Variants in SHLD1 observed in about 807,000 individuals in gnomAD.
The protein encoded by SHLD1 is shieldin complex subunit 1.
A neutral mutation model predicts 5.5 loss-of-function variants in SHLD1; 3 were observed. That is an observed-to-expected ratio of 0.54 (90% CI 0.25 to 1.40). SHLD1 has a LOEUF of 1.40. Among genes scored for constraint, SHLD1 ranks in the 40% most tolerant of loss-of-function variants. SHLD1 has a pLI of 0.15. For missense variants in SHLD1, 210 were observed against 244.4 expected (o/e 0.86, Z 0.94); for synonymous variants, 92 against 94.3 (o/e 0.98, Z 0.14).
intron 2 of SHLD1, among the ~76,000 whole-genome samples, chr20:5,829,605 G>A (rs2087705060): frequency 6.6e-6 from 1 of 152,198 alleles, no homozygotes; most frequent in Non-Finnish European, 1.5e-5. Flanking sequence ...GGTTTTTACG[G>A]ATGCATTTGT....
chr20:5,864,341 A>T lies in SHLD1; in HGVS notation c.*878A>T, dbSNP rs187788966. ...AGCACAATTATGCTACGCTAGGCTG[A>T]TGCCACGTGGCCTTGTCAAGTTGTG... On this transcript the variant is annotated 3_prime_UTR_variant, in exon 3 of 3. Coordinates refer to ENST00000303142, the MANE Select transcript of SHLD1 (RefSeq NM_152504.4). Among the ~76,000 whole-genome samples the T allele has an allele frequency of 1.3e-5, 2 of 152,362 alleles. No individual in the cohort carries two copies. The highest frequency in any genetic ancestry group is 6.5e-5 in the Admixed American group (1 of 15,310).
intron 2 of SHLD1, among the ~76,000 whole-genome samples, chr20:5,805,680 A>C (rs911977091): frequency 6.6e-6 from 1 of 152,072 alleles, no homozygotes; most frequent in Admixed American, 6.6e-5. Context: ...GGCTCACTGC[A>C]ACCTCTGCCT....
intron 2 of SHLD1, among the ~76,000 whole-genome samples, chr20:5,827,913 C>T (rs957855629): frequency 1.3e-5 from 2 of 152,188 alleles, no homozygotes; most frequent in African/African-American, 4.8e-5. Flanking sequence ...GTAGAAACTA[C>T]ACCATGGTCA....
chr20:5,860,284 T>C (rs2088144202), intron 2 of SHLD1, among the ~76,000 whole-genome samples: 1 of 152,238 alleles, frequency 6.6e-6, no homozygotes, highest in African/African-American at 2.4e-5. Flanking sequence ...GGTTGCTTGA[T>C]ATTAAAGTAG....
intron 2 of SHLD1, among the ~76,000 whole-genome samples, chr20:5,781,523 G>T (rs2086989041): frequency 6.6e-6 from 1 of 152,134 alleles, no homozygotes; most frequent in African/African-American, 2.4e-5. Flanking sequence ...TGTTGTCCAG[G>T]CTGGAGTGCA....
At chr20:5,827,251 G>A (rs964442753) in intron 2 of SHLD1, among the ~76,000 whole-genome samples, 6 of 152,114 alleles carry the variant, frequency 3.9e-5, no homozygotes, top group South Asian at 2.1e-4. Context: ...GAGGGATGCC[G>A]CCAGCCCAGG....
chr20:5,821,207 T>C (rs1490112138), intron 2 of SHLD1, among the ~76,000 whole-genome samples: 1 of 152,228 alleles, frequency 6.6e-6, no homozygotes, highest in African/African-American at 2.4e-5. Flanking sequence ...CTGTAAAATA[T>C]AGTTTGTTTA....
At chr20:5,784,427 TTTTA>T (rs1568500947) in intron 2 of SHLD1, among the ~76,000 whole-genome samples, 2 of 151,786 alleles carry the variant, frequency 1.3e-5, no homozygotes, top group African/African-American at 2.4e-5. Flanking sequence ...AATAGAATTA[TTTTA>T]TTTATTTATT....
At chr20:5,851,067 G>T (rs2088002603) in intron 2 of SHLD1, among the ~76,000 whole-genome samples, 1 of 152,180 alleles carries the variant, frequency 6.6e-6, no homozygotes, top group Admixed American at 6.6e-5. Context: ...CTCTAACAGT[G>T]GGGGACATTG....
chr20:5,812,630 A>G (rs1009344144), intron 2 of SHLD1, among the ~76,000 whole-genome samples: 5 of 152,218 alleles, frequency 3.3e-5, no homozygotes, highest in African/African-American at 4.8e-5. Flanking sequence ...CATGTGTATT[A>G]CTTTCACCAG....
chr20:5,827,631 C>T (rs990612480), intron 2 of SHLD1, among the ~76,000 whole-genome samples: 1 of 152,176 alleles, frequency 6.6e-6, no homozygotes, highest in African/African-American at 2.4e-5. Context: ...TACACAATGA[C>T]CTTTGCACTT....
At chr20:5,842,305 T>C (rs190512755) in intron 2 of SHLD1, among the ~76,000 whole-genome samples, 112 of 152,344 alleles carry the variant, frequency 7.4e-4, no homozygotes, top group Non-Finnish European at 1.0e-3. Flanking sequence ...GTAAGAATAT[T>C]GTCTATTTCA....
At chr20:5,764,190 A>ATATATATAT (rs1984683317) in intron 1 of SHLD1, among the ~76,000 whole-genome samples, 10 of 52,646 alleles carry the variant, frequency 1.9e-4, no homozygotes, top group African/African-American at 6.4e-4. Context: ...ATATATATAT[A>ATATATATAT]TTTTATATAT....
intron 2 of SHLD1, among the ~76,000 whole-genome samples, chr20:5,843,721 C>T (rs1017959614): frequency 6.6e-6 from 1 of 152,142 alleles, no homozygotes; most frequent in Non-Finnish European, 1.5e-5. Flanking sequence ...AATATTTTAT[C>T]CAACAGTTTT....
intron 1 of SHLD1, among the ~76,000 whole-genome samples, chr20:5,760,626 G>T (rs973838872): frequency 6.6e-6 from 1 of 152,016 alleles, no homozygotes; most frequent in African/African-American, 2.4e-5. Flanking sequence ...CCGGGAGGAG[G>T]AGGTTGCAGT....
intron 2 of SHLD1, among the ~76,000 whole-genome samples, chr20:5,851,801 T>C (rs1458478235): frequency 2.6e-5 from 4 of 151,688 alleles, no homozygotes; most frequent in African/African-American, 9.7e-5. Flanking sequence ...TGTTGGAAGA[T>C]GGGGCCTGGT....
At chr20:5,837,912 A>G (rs2087809269) in intron 2 of SHLD1, among the ~76,000 whole-genome samples, 1 of 152,240 alleles carries the variant, frequency 6.6e-6, no homozygotes, top group African/African-American at 2.4e-5. Context: ...TTCTCATATA[A>G]GTGGACCTGC....
rs544263282 is a variant in SHLD1, at chr20:5,757,225, C to T, written c.-5+6746C>T. ...ACAGGGTAGCTGGGATTACAAAGTA[C>T]ACCACCACGCCCAGCTATTTTTTGT... On this transcript the variant is annotated intron_variant, in intron 1 of 2. Coordinates refer to ENST00000303142, the MANE Select transcript of SHLD1 (RefSeq NM_152504.4). Among the ~76,000 whole-genome samples the T allele has an allele frequency of 3.4e-4, 51 of 151,920 alleles. 1 individual carries two copies. Among genetic ancestry groups the T allele is most frequent in the African/African-American group, 1.1e-3 (47 of 41,472 alleles).
At chr20:5,770,548 G>A (rs1985098994) in intron 1 of SHLD1, among the ~76,000 whole-genome samples, 3 of 152,142 alleles carry the variant, frequency 2.0e-5, no homozygotes, top group Admixed American at 2.0e-4. Flanking sequence ...TTGTTGCATG[G>A]ATGATTTTCC....
Sources: allele counts gnomAD v4.1 joint callset (sites outside exome capture counted in the v4.1 genomes callset), GRCh38; gene constraint gnomAD v4.1.1; transcripts MANE v1.5; gene names NCBI Gene and HGNC (gene_info 2026-07-23, HGNC 2026-07-21).